ZNF618: variants seen among roughly 807,000 people sequenced by gnomAD.
ZNF618 encodes zinc finger protein 618.
Under a neutral mutation model 103.0 loss-of-function variants are expected in ZNF618, and 34 were observed. The observed-to-expected ratio is 0.33, with a 90% confidence interval of 0.25 to 0.44. The LOEUF (loss-of-function observed/expected upper bound fraction) is 0.44. Among genes scored for constraint, ZNF618 ranks in the 20% least tolerant of loss-of-function variants. The pLI, the probability that ZNF618 is intolerant of heterozygous loss-of-function variation, is 1.00. For synonymous variants in ZNF618, 551 were observed against 542.2 expected (o/e 1.02, Z -0.23); for missense variants, 1,059 against 1,295.4 (o/e 0.82, Z 2.80).
At position 113,907,668 on chromosome 9, in the gene ZNF618, G is replaced by A. The variant is rs147691803; in HGVS notation, c.33+31255G>A. ...TGTCCAGGACCCCCCCGCATGAGAGGCCCCTGGGGCCACCTGTAGACTGGT... is the reference window on the plus strand; with the variant it reads ...TGTCCAGGACCCCCCCGCATGAGAGACCCCTGGGGCCACCTGTAGACTGGT... On this transcript the variant is annotated intron_variant, in intron 1 of 14. Coordinates refer to ENST00000374126, the MANE Select transcript of ZNF618 (RefSeq NM_001318042.2). 8.0e-3 allele frequency among the ~76,000 whole-genome samples: 1,223 copies of A among 152,302 alleles called. 12 individuals carry two copies. The highest frequency in any genetic ancestry group is 1.0e-2 in the Non-Finnish European group (678 of 68,022).
At chr9:113,935,680 CTTAA>C (rs1215233651) in intron 1 of ZNF618, among the ~76,000 whole-genome samples, 1 of 152,172 alleles carries the variant, frequency 6.6e-6, no homozygotes, top group Non-Finnish European at 1.5e-5. Context: ...CCCAATGAGT[CTTAA>C]TTGGCTCCAT....
At chr9:114,016,807 G>A (rs1360872065) in intron 10 of ZNF618, 23 bp downstream of exon 10, 14 of 1,596,454 alleles carry the variant, frequency 8.8e-6, no homozygotes, top group Admixed American at 8.5e-5. Flanking sequence ...TCCCGGTAGG[G>A]ATGGGGGTTG....
intron 14 of ZNF618, 104 bp downstream of exon 14, chr9:114,048,098 A>C (rs1444394525): frequency 1.0e-6 from 1 of 986,696 alleles, no homozygotes; most frequent in East Asian, 2.7e-5. Context: ...ATGTTGTAAG[A>C]TGATGCATGA....
chr9:113,973,300 G>A (rs1487061851), intron 2 of ZNF618, among the ~76,000 whole-genome samples: 2 of 152,142 alleles, frequency 1.3e-5, no homozygotes, highest in Non-Finnish European at 2.9e-5. Flanking sequence ...GCCCTCCAAC[G>A]TGGGCTTCTA....
At chr9:113,908,407 C>T (rs778938017) in intron 1 of ZNF618, among the ~76,000 whole-genome samples, 3 of 152,090 alleles carry the variant, frequency 2.0e-5, no homozygotes, top group Non-Finnish European at 4.4e-5. Flanking sequence ...CTTTTGTCTT[C>T]GTGGGCTCCT....
chr9:114,028,835 A>C lies in ZNF618; in HGVS notation c.947A>C (p.Gln316Pro). Residue 316 changes from glutamine (Q) to proline (P), a missense_variant, in exon 11 of 15, where the codon CAG becomes CCG. Transcript: ENST00000374126. ...CCACGCTTCGTGGCAGCGAAGACCCAGACGAACCAGTCGGGGAAAAAAGCT... is the reference window on the plus strand; with the variant it reads ...CCACGCTTCGTGGCAGCGAAGACCCCGACGAACCAGTCGGGGAAAAAAGCT... The part of the protein sequence containing the change: ...PSPRFVAAKT[Q>P]TNQSGKKAPA... 1 of 1,550,644 alleles carries C rather than the reference A, an allele frequency of 6.4e-7. No homozygotes were observed.
intron 6 of ZNF618, among the ~76,000 whole-genome samples, chr9:114,006,038 A>G (rs76137851): frequency 3.5e-4 from 53 of 152,286 alleles, no homozygotes; most frequent in African/African-American, 1.2e-3. Context: ...GGCACCTGCT[A>G]AGGCATTTTC....
intron 1 of ZNF618, among the ~76,000 whole-genome samples, chr9:113,955,471 G>A (rs1349916783): frequency 2.0e-5 from 3 of 151,952 alleles, no homozygotes; most frequent in Non-Finnish European, 4.4e-5. Context: ...CTTTCCAGCT[G>A]TGAGAGGAAC....
At chr9:113,941,729 TG>T (rs1230833394) in intron 1 of ZNF618, among the ~76,000 whole-genome samples, 1 of 152,240 alleles carries the variant, frequency 6.6e-6, no homozygotes, top group East Asian at 1.9e-4. Flanking sequence ...ATTTCCTCTT[TG>T]TTTTTGGAGT....
chr9:113,970,734 G>A (rs1206275944), intron 2 of ZNF618, among the ~76,000 whole-genome samples: 2 of 151,774 alleles, frequency 1.3e-5, no homozygotes, highest in Non-Finnish European at 2.9e-5. Flanking sequence ...TCCGTATCAA[G>A]GTACCTGCAC....
chr9:113,990,659 T>C (rs965217625), intron 3 of ZNF618, among the ~76,000 whole-genome samples: 3 of 152,208 alleles, frequency 2.0e-5, no homozygotes, highest in African/African-American at 7.2e-5. Flanking sequence ...AGACTTACGC[T>C]GGCAATTAAC....
At position 113,876,376 on chromosome 9, in the gene ZNF618, G is replaced by T. The variant is rs1460868747; in HGVS notation, c.-5G>T. 6 of 1,198,276 alleles carry T rather than the reference G, an allele frequency of 5.0e-6. No homozygotes were observed. Among genetic ancestry groups the T allele is most frequent in the Non-Finnish European group, 6.2e-6 (6 of 967,998 alleles). The allele number at this position is 1,198,276 out of a possible 1,614,324, so 74.2% of individuals were successfully genotyped here. On this transcript the variant is annotated 5_prime_UTR_variant, in exon 1 of 15. Transcript: ENST00000374126. ...CGCCGGGGCCGCCTCCTCCCGCACGGACCCATGAACCAGCCGGGCGGCGCG... is the reference window on the plus strand; with the variant it reads ...CGCCGGGGCCGCCTCCTCCCGCACGTACCCATGAACCAGCCGGGCGGCGCG...
At chr9:113,991,671 G>A (rs539720660) in intron 3 of ZNF618, among the ~76,000 whole-genome samples, 30 of 152,270 alleles carry the variant, frequency 2.0e-4, no homozygotes, top group African/African-American at 6.5e-4. Flanking sequence ...GAATAAAGTC[G>A]GTGCAGGATA....
intron 13 of ZNF618, among the ~76,000 whole-genome samples, chr9:114,043,319 T>C (rs1348283882): frequency 6.6e-6 from 1 of 152,234 alleles, no homozygotes; most frequent in African/African-American, 2.4e-5. Flanking sequence ...TTTCCTAAAG[T>C]GGCTGCATCA....
At chr9:113,932,245 G>T (rs1239640605) in intron 1 of ZNF618, among the ~76,000 whole-genome samples, 2 of 152,174 alleles carry the variant, frequency 1.3e-5, no homozygotes, top group Non-Finnish European at 1.5e-5. Context: ...CTTGCAATTG[G>T]TGGGGAACAG....
intron 13 of ZNF618, among the ~76,000 whole-genome samples, chr9:114,040,830 C>A (rs1309611314): frequency 6.6e-6 from 1 of 152,200 alleles, no homozygotes; most frequent in Non-Finnish European, 1.5e-5. Context: ...ATTTATAATC[C>A]TTTGGGTATA....
chr9:114,038,369 G>A (rs1421255433), intron 13 of ZNF618, among the ~76,000 whole-genome samples: 5 of 152,208 alleles, frequency 3.3e-5, no homozygotes, highest in Admixed American at 1.3e-4. Flanking sequence ...ACTTGTTTTC[G>A]GAGTGGAGCC....
intron 9 of ZNF618, chr9:114,016,020 C>G: frequency 6.5e-6 from 8 of 1,236,016 alleles, no homozygotes; most frequent in Non-Finnish European, 7.0e-6. Context: ...GGGGTAGATG[C>G]TGCTCTTTGT....
At position 113,969,097 on chromosome 9, in the gene ZNF618, GT is replaced by G; in HGVS notation, c.34-16del. 6.2e-7 allele frequency: 1 copy of G among 1,613,974 alleles called. No homozygotes were observed. Among genetic ancestry groups the G allele is most frequent in the Non-Finnish European group, 8.5e-7 (1 of 1,179,886 alleles). ...ATCTTCTGCCTTGGCTGATGTAGGT[GT>G]TTTGGGTTTCTTTTGCAGGCTGACG... is the stretch of plus-strand genomic sequence containing the variant. On this transcript the variant is annotated intron_variant, in intron 1 of 14. Transcript: ENST00000374126.
Sources: gnomAD v4.1 joint callset for allele counts (sites outside exome capture counted in the v4.1 genomes callset) on GRCh38, gnomAD v4.1.1 for gene constraint, MANE v1.5 for transcripts, NCBI Gene and HGNC (gene_info 2026-07-23, HGNC 2026-07-21) for gene names.